IMPG1: variants seen among roughly 807,000 people sequenced by gnomAD.
IMPG1 encodes the protein interphotoreceptor matrix proteoglycan of 150 kDa.
IMPG1 carries 85 observed loss-of-function variants against 92.0 expected under a neutral mutation model. The observed-to-expected ratio is 0.92, with a 90% CI of 0.78 to 1.11. The LOEUF is 1.11. Ranked by LOEUF, IMPG1 falls within the 50% of genes least tolerant of loss-of-function variation. IMPG1 has a pLI of 0.00. For synonymous variants in IMPG1, 367 were observed against 334.1 expected (o/e 1.10, Z -1.08); for missense variants, 1,022 against 956.0 (o/e 1.07, Z -0.91).
At chr6:75,940,781 G>A (rs1781826644) in intron 14 of IMPG1, among the ~76,000 whole-genome samples, 1 of 152,084 alleles carries the variant, frequency 6.6e-6, no homozygotes, top group South Asian at 2.1e-4. Context: ...TCCCTGTTCT[G>A]TAAATAAAGC....
intron 12 of IMPG1, among the ~76,000 whole-genome samples, chr6:75,971,409 G>A (rs1782413338): frequency 6.6e-6 from 1 of 151,896 alleles, no homozygotes; most frequent in South Asian, 2.1e-4. Flanking sequence ...CATGGCACAT[G>A]TATACATACG....
At chr6:75,954,397 C>T (rs192583468) in intron 12 of IMPG1, among the ~76,000 whole-genome samples, 7 of 152,150 alleles carry the variant, frequency 4.6e-5, no homozygotes, top group Admixed American at 2.0e-4. Flanking sequence ...GTTTGTTGGC[C>T]GCATAAATGT....
intron 12 of IMPG1, among the ~76,000 whole-genome samples, chr6:75,968,866 G>T (rs1782355109): frequency 6.6e-6 from 1 of 152,034 alleles, no homozygotes; most frequent in Admixed American, 6.6e-5. Context: ...CCAGCCTCCA[G>T]AACTGCAAGC....
chr6:76,023,082 A>T (rs1297762167), intron 5 of IMPG1, among the ~76,000 whole-genome samples: 1 of 152,190 alleles, frequency 6.6e-6, no homozygotes, highest in Non-Finnish European at 1.5e-5. Context: ...TCTGTGAAGT[A>T]ATTGCCCTGG....
intron 4 of IMPG1, among the ~76,000 whole-genome samples, chr6:76,034,066 T>G (rs1414485550): frequency 1.3e-5 from 2 of 152,240 alleles, no homozygotes; most frequent in Non-Finnish European, 2.9e-5. Flanking sequence ...ACATATCACA[T>G]AGCAATAAAT....
intron 7 of IMPG1, among the ~76,000 whole-genome samples, chr6:76,017,598 T>A (rs1783313039): frequency 6.6e-6 from 1 of 152,208 alleles, no homozygotes; most frequent in Non-Finnish European, 1.5e-5. Context: ...AAGCTGTACA[T>A]ATTTAATATA....
intron 11 of IMPG1, among the ~76,000 whole-genome samples, chr6:76,003,205 C>T (rs939617510): frequency 6.6e-6 from 1 of 152,152 alleles, no homozygotes; most frequent in Non-Finnish European, 1.5e-5. Context: ...AGATCTATTG[C>T]TTCTCGGATA....
intron 8 of IMPG1, among the ~76,000 whole-genome samples, 173 bp downstream of exon 8, chr6:76,010,993 G>A (rs747432017): frequency 6.6e-6 from 1 of 152,154 alleles, no homozygotes; most frequent in Non-Finnish European, 1.5e-5. Flanking sequence ...GAATCACCTA[G>A]AGTCATGTTC....
chr6:76,040,582 C>T (rs1783818216), intron 2 of IMPG1, among the ~76,000 whole-genome samples: 3 of 152,300 alleles, frequency 2.0e-5, no homozygotes, highest in Middle Eastern at 3.4e-3. Context: ...TGTGGAGATG[C>T]CCTTCTAGGA....
intron 12 of IMPG1, among the ~76,000 whole-genome samples, chr6:75,998,830 C>T (rs1782940433): frequency 6.6e-6 from 1 of 152,128 alleles, no homozygotes; most frequent in South Asian, 2.1e-4. Context: ...CAAGTTTCTC[C>T]TATATGTGGA....
chr6:75,999,029 GTA>G (rs1782943398), intron 12 of IMPG1, among the ~76,000 whole-genome samples: 1 of 152,038 alleles, frequency 6.6e-6, no homozygotes, highest in Non-Finnish European at 1.5e-5. Flanking sequence ...ACTTATTTTT[GTA>G]TTTTTAGTAG....
rs555403607 is a variant in IMPG1, at chr6:75,967,367, T to C, written c.1292-16273A>G. On this transcript the variant is annotated intron_variant, in intron 12 of 16. Transcript: ENST00000369950. ...TGGTGGGTTGGGGGTGAGAAGGGCA[T>C]GATTAGGATTAGCATTCTTATAAAA... 7.2e-5 allele frequency among the ~76,000 whole-genome samples: 11 copies of C among 152,180 alleles called. No homozygotes were observed. The South Asian group carries it at 2.3e-3, about 32-fold the overall frequency.
intron 15 of IMPG1, among the ~76,000 whole-genome samples, chr6:75,924,667 A>ATATAATATATTATATAT (rs376659354): frequency 1.2e-4 from 1 of 8,008 alleles, no homozygotes. Context: ...AATATATAAT[A>ATATAATATATTATATAT]AATTATATAT....
intron 6 of IMPG1, among the ~76,000 whole-genome samples, chr6:76,021,691 C>A (rs1020047218): frequency 1.3e-4 from 19 of 148,422 alleles, no homozygotes; most frequent in African/African-American, 3.2e-4. Flanking sequence ...AAAACCTTCA[C>A]TCTTGTTGTC....
At chr6:75,977,504 T>G (rs180736454) in intron 12 of IMPG1, among the ~76,000 whole-genome samples, 2 of 151,760 alleles carry the variant, frequency 1.3e-5, no homozygotes, top group African/African-American at 4.8e-5. Context: ...GGAGAATCGC[T>G]TGAACCCAGG....
intron 12 of IMPG1, among the ~76,000 whole-genome samples, chr6:75,977,836 C>A (rs1782565086): frequency 6.6e-6 from 1 of 151,898 alleles, no homozygotes; most frequent in Non-Finnish European, 1.5e-5. Flanking sequence ...AAATGTGATA[C>A]CTTAGCTACA....
At chr6:76,041,394 A>G (rs1471208658) in intron 2 of IMPG1, among the ~76,000 whole-genome samples, 1 of 152,190 alleles carries the variant, frequency 6.6e-6, no homozygotes, top group African/African-American at 2.4e-5. Context: ...TCTCCTCTGC[A>G]CTTCAATGTG....
chr6:76,072,377 A>T (rs761822920), intron 1 of IMPG1, 45 bp downstream of exon 1: 1 of 1,072,104 alleles, frequency 9.3e-7, no homozygotes, highest in African/African-American at 1.6e-5. Flanking sequence ...CTATCGGTAG[A>T]TTTTATAGAT....
In IMPG1 at chr6:76,072,575, T is replaced by C; in HGVS notation, c.-87A>G. 1.3e-6 allele frequency: 1 copy of C among 765,422 alleles called. No homozygotes were observed. Among genetic ancestry groups the C allele is most frequent in the South Asian group, 1.7e-5 (1 of 57,870 alleles). The allele number at this position is 765,422 out of a possible 1,614,324, so 47.4% of individuals were successfully genotyped here. ...AAAGTAACAGAAATGTGAAAAATAA[T>C]TATATATTGATACCAGATGATTGAG... On this transcript the variant is annotated 5_prime_UTR_variant, in exon 1 of 17. Transcript: ENST00000369950.
Sources: allele counts gnomAD v4.1 joint callset (sites outside exome capture counted in the v4.1 genomes callset), GRCh38; gene constraint gnomAD v4.1.1; transcripts MANE v1.5; gene names NCBI Gene and HGNC (gene_info 2026-07-23, HGNC 2026-07-21).